The following TMTC2 variants were observed in gnomAD, a reference collection of about 807,000 sequenced individuals.
TMTC2 encodes transmembrane O-mannosyltransferase targeting cadherins 2.
In TMTC2, 43 loss-of-function variants were observed where a neutral mutation model predicts 82.4. The observed-to-expected ratio is 0.52, with a 90% CI of 0.41 to 0.67. The LOEUF is 0.67. Ranked by LOEUF, TMTC2 falls within the 30% of genes least tolerant of loss-of-function variation. The pLI, the probability that TMTC2 is intolerant of heterozygous loss-of-function variation, is 0.00. For missense variants in TMTC2, 919 were observed against 1,012.4 expected (o/e 0.91, Z 1.25); for synonymous variants, 408 against 381.9 (o/e 1.07, Z -0.80).
chr12:82,861,764 A>G (rs954592639), intron 2 of TMTC2, among the ~76,000 whole-genome samples: 1 of 152,174 alleles, frequency 6.6e-6, no homozygotes, highest in African/African-American at 2.4e-5. Flanking sequence ...TTTGTCAGAA[A>G]ACATTAAGTA....
chr12:82,712,331 G>A (rs1170166561), intron 1 of TMTC2, among the ~76,000 whole-genome samples: 1 of 150,870 alleles, frequency 6.6e-6, no homozygotes, highest in Non-Finnish European at 1.5e-5. Context: ...TCGGGAGGCT[G>A]AGGTAGGAGA....
intron 3 of TMTC2, among the ~76,000 whole-genome samples, chr12:82,928,342 C>A (rs538658350): frequency 1.6e-4 from 25 of 151,802 alleles, no homozygotes; most frequent in African/African-American, 5.8e-4. Context: ...TTAAAAATTG[C>A]GTAATTATTA....
chr12:83,103,792 G>A (rs183853694), intron 11 of TMTC2, among the ~76,000 whole-genome samples: 24 of 152,226 alleles, frequency 1.6e-4, no homozygotes, highest in African/African-American at 5.3e-4. Flanking sequence ...TAACTCAAAA[G>A]TCTACAGTTC....
intron 8 of TMTC2, among the ~76,000 whole-genome samples, chr12:82,991,024 G>A (rs1879376641): frequency 6.6e-6 from 1 of 152,132 alleles, no homozygotes; most frequent in South Asian, 2.1e-4. Context: ...CATCTCTTCA[G>A]TGCCTGTGCT....
At chr12:82,794,239 T>G (rs868731981) in intron 1 of TMTC2, among the ~76,000 whole-genome samples, 2 of 152,066 alleles carry the variant, frequency 1.3e-5, no homozygotes, top group African/African-American at 4.8e-5. Flanking sequence ...CCTCTCTCAC[T>G]CCTCCCCTCA....
intron 1 of TMTC2, among the ~76,000 whole-genome samples, chr12:82,807,176 T>G (rs767258194): frequency 6.6e-5 from 10 of 152,292 alleles, no homozygotes; most frequent in Non-Finnish European, 4.4e-5. Flanking sequence ...AAGGAAGTGA[T>G]TGTGTTCATT....
intron 1 of TMTC2, among the ~76,000 whole-genome samples, chr12:82,844,426 T>C (rs886508272): frequency 6.6e-6 from 1 of 152,208 alleles, no homozygotes; most frequent in Non-Finnish European, 1.5e-5. Flanking sequence ...CCTTTTGTTC[T>C]GCAAAAGCAC....
At chr12:82,874,796 A>C (rs1872394421) in intron 2 of TMTC2, among the ~76,000 whole-genome samples, 1 of 152,088 alleles carries the variant, frequency 6.6e-6, no homozygotes, top group Non-Finnish European at 1.5e-5. Flanking sequence ...TTTTTACATT[A>C]CCTGTATAAT....
intron 11 of TMTC2, among the ~76,000 whole-genome samples, chr12:83,071,101 G>C (rs1273385511): frequency 6.7e-6 from 1 of 150,022 alleles, no homozygotes; most frequent in African/African-American, 2.5e-5. Context: ...CTAGTATTTT[G>C]TTAAAGATTT....
chr12:82,753,088 C>A (rs1876105474), intron 1 of TMTC2, among the ~76,000 whole-genome samples: 1 of 152,050 alleles, frequency 6.6e-6, no homozygotes, highest in South Asian at 2.1e-4. Context: ...CCCTGTTGAC[C>A]TTGTGGCTTT....
chr12:82,768,038 T>A (rs887680144), intron 1 of TMTC2, among the ~76,000 whole-genome samples: 1 of 118,394 alleles, frequency 8.4e-6, no homozygotes, highest in Non-Finnish European at 1.8e-5. Flanking sequence ...TACTCATCTT[T>A]ACCTATCAAG....
chr12:82,780,411 G>C (rs950228946), intron 1 of TMTC2, among the ~76,000 whole-genome samples: 1 of 151,572 alleles, frequency 6.6e-6, no homozygotes, highest in Admixed American at 6.6e-5. Context: ...CAGACCCATT[G>C]CTTCATTTTC....
At chr12:82,929,733 C>T (rs978360748) in intron 3 of TMTC2, among the ~76,000 whole-genome samples, 2 of 151,886 alleles carry the variant, frequency 1.3e-5, no homozygotes, top group Non-Finnish European at 2.9e-5. Context: ...ACTGGAGAGC[C>T]GTACTATGGG....
chr12:82,925,617 C>T (rs1238876451), intron 3 of TMTC2, among the ~76,000 whole-genome samples: 5 of 152,062 alleles, frequency 3.3e-5, no homozygotes. Flanking sequence ...CATATTTTGG[C>T]AATTCTCACA....
intron 2 of TMTC2, among the ~76,000 whole-genome samples, chr12:82,872,017 G>GAA (rs1872217932): frequency 2.8e-5 from 2 of 71,332 alleles, no homozygotes; most frequent in African/African-American, 9.5e-5. Context: ...CCCCCCCCCC[G>GAA]CCCACACCCC....
intron 11 of TMTC2, among the ~76,000 whole-genome samples, chr12:83,073,192 T>C (rs1312984064): frequency 1.3e-5 from 2 of 152,204 alleles, no homozygotes; most frequent in African/African-American, 4.8e-5. Context: ...TAATGTGTAT[T>C]CTCTCAGCAT....
intron 3 of TMTC2, among the ~76,000 whole-genome samples, chr12:82,916,866 G>T (rs1233718701): frequency 1.3e-5 from 2 of 152,110 alleles, no homozygotes; most frequent in Non-Finnish European, 2.9e-5. Context: ...CCTGTAATTA[G>T]AATTACATAT....
At position 83,030,872 on chromosome 12, in the gene TMTC2, G is replaced by T. The variant is rs2137422655; in HGVS notation, c.2145G>T (p.Met715Ile). The T allele has an allele frequency of 1.2e-6, 2 of 1,611,876 alleles. No homozygotes were observed. Among genetic ancestry groups the T allele is most frequent in the South Asian group, 2.2e-5 (2 of 91,000 alleles). Reference sequence around the variant, plus strand: ...ATCCCACCAAAGGAAACTGTTACATGCATTATGGTGAGTGGTTGATAGTTT... The same window carrying T: ...ATCCCACCAAAGGAAACTGTTACATTCATTATGGTGAGTGGTTGATAGTTT... ...ELDPTKGNCY[M>I]HYGQFLLEEA... The change falls in exon 9 of 12, where the codon ATG (methionine) becomes ATT (isoleucine). Residue 715 changes from methionine to isoleucine, a missense_variant. Coordinates refer to ENST00000321196, the MANE Select transcript of TMTC2 (RefSeq NM_152588.3).
At position 82,730,244 on chromosome 12, in the gene TMTC2, A is replaced by G. The variant is rs111675789; in HGVS notation, c.83+42575A>G. Among the ~76,000 whole-genome samples, 602 of 127,382 alleles carry G rather than the reference A, an allele frequency of 4.7e-3. 1 individual carries two copies. The highest frequency in any genetic ancestry group is 0.017 in the African/African-American group (579 of 33,684). The allele number at this position is 127,382 out of a possible 152,430, so 83.6% of individuals were successfully genotyped here. On this transcript the variant is annotated intron_variant, in intron 1 of 11. Coordinates refer to ENST00000321196, the MANE Select transcript of TMTC2 (RefSeq NM_152588.3). ...CAGGAGGCAGAGGTTGCAGTAAGCC[A>G]AGATTGCGCTACTGCACTCCAGCCT...
Sources: gnomAD v4.1 joint callset for allele counts (sites outside exome capture counted in the v4.1 genomes callset) on GRCh38, gnomAD v4.1.1 for gene constraint, MANE v1.5 for transcripts, NCBI Gene and HGNC (gene_info 2026-07-23, HGNC 2026-07-21) for gene names.